Variants in MAF observed in about 807,000 individuals in gnomAD.
MAF encodes the protein transcription factor Maf.
In MAF, 10 loss-of-function variants were observed where a neutral mutation model predicts 22.0. The observed-to-expected ratio is 0.45, with a 90% CI of 0.28 to 0.77. The LOEUF (loss-of-function observed/expected upper bound fraction) is 0.77, where lower values mean the gene tolerates loss of function less well. Among genes scored for constraint, MAF ranks in the 30% least tolerant of loss-of-function variants. MAF has a pLI of 0.12. For synonymous variants in MAF, 337 were observed against 255.8 expected (o/e 1.32, Z -3.03); for missense variants, 544 against 548.4 (o/e 0.99, Z 0.08).
chr16:79,373,205 T>A, the MAF span, among the ~76,000 whole-genome samples: 1 of 152,028 alleles, frequency 6.6e-6, no homozygotes, highest in Non-Finnish European at 1.5e-5. Context: ...TGAATGTTTG[T>A]CCTCTCCAAA....
At chr16:79,570,172 G>C in the MAF span, among the ~76,000 whole-genome samples, 3 of 152,078 alleles carry the variant, frequency 2.0e-5, no homozygotes, top group Non-Finnish European at 4.4e-5. Flanking sequence ...TATCTGCAAG[G>C]TAAAGGAATT....
chr16:79,599,500 C>G lies in MAF; in HGVS notation c.403G>C (p.Ala135Pro). The change falls in exon 1 of 2, where the codon GCG becomes CCG. Residue 135 changes from alanine to proline, a missense_variant. This residue lies in a region of MAF where 342 missense variants were observed against 315.5 expected (regional missense o/e 1.08). Coordinates refer to ENST00000326043, the MANE Select transcript of MAF (RefSeq NM_005360.5). ...CCGGCCGCCGCGGCCAGCTGCTGCG[C>G]CCCGCGCGCGTAGCCATCGAAGCCG... ...QGGFDGYARG[A>P]QQLAAAAGAG... The G allele has an allele frequency of 1.3e-6, 2 of 1,506,822 alleles. No individual in the cohort carries two copies. The highest frequency in any genetic ancestry group is 1.3e-5 in the South Asian group (1 of 78,310). The allele number at this position is 1,506,822 out of a possible 1,614,324, so 93.3% of individuals were successfully genotyped here. A position where few individuals can be genotyped will look rare whatever the true frequency, so the allele number is the denominator to read the frequency against.
the MAF span, among the ~76,000 whole-genome samples, chr16:79,521,778 T>G: frequency 6.6e-6 from 1 of 152,218 alleles, no homozygotes; most frequent in Non-Finnish European, 1.5e-5. Context: ...AAACAGTTAC[T>G]GAATAAATTA....
At chr16:79,224,884 C>T in the MAF span, among the ~76,000 whole-genome samples, 37 of 152,278 alleles carry the variant, frequency 2.4e-4, no homozygotes, top group African/African-American at 7.9e-4. Context: ...AATGGATAAA[C>T]ATTGCATGCT....
chr16:79,236,181 C>T, the MAF span, among the ~76,000 whole-genome samples: 1 of 152,064 alleles, frequency 6.6e-6, no homozygotes, highest in Non-Finnish European at 1.5e-5. Flanking sequence ...GGTGTCTCTC[C>T]TCGCCATAGC....
At chr16:79,574,075 C>G in the MAF span, among the ~76,000 whole-genome samples, 2 of 152,136 alleles carry the variant, frequency 1.3e-5, no homozygotes, top group Non-Finnish European at 2.9e-5. Flanking sequence ...ATAAATGAGG[C>G]GTGAACTTCA....
the MAF span, among the ~76,000 whole-genome samples, chr16:79,493,218 T>C: frequency 6.6e-6 from 1 of 152,118 alleles, no homozygotes; most frequent in Non-Finnish European, 1.5e-5. Context: ...AGTCTCACTC[T>C]GTTGTCCAGG....
At chr16:79,423,070 G>C in the MAF span, among the ~76,000 whole-genome samples, 1 of 152,178 alleles carries the variant, frequency 6.6e-6, no homozygotes, top group African/African-American at 2.4e-5. Context: ...CCAAGAGGGA[G>C]GGGATTCTAA....
At chr16:79,458,011 G>C in the MAF span, among the ~76,000 whole-genome samples, 4 of 151,508 alleles carry the variant, frequency 2.6e-5, no homozygotes, top group Non-Finnish European at 5.9e-5. Flanking sequence ...GCTCATTAGA[G>C]ATATTTTTTT....
At chr16:79,474,733 G>A in the MAF span, among the ~76,000 whole-genome samples, 1 of 152,074 alleles carries the variant, frequency 6.6e-6, no homozygotes, top group Admixed American at 6.6e-5. Context: ...GGAAATCCTT[G>A]AGCATGAGCA....
At chr16:79,392,010 G>A in the MAF span, among the ~76,000 whole-genome samples, 16 of 149,898 alleles carry the variant, frequency 1.1e-4, no homozygotes, top group East Asian at 1.8e-3. Flanking sequence ...GAGAGACAGA[G>A]TAAGGAAAGA....
the MAF span, among the ~76,000 whole-genome samples, chr16:79,330,050 G>A: frequency 1.7e-4 from 26 of 152,050 alleles, no homozygotes; most frequent in African/African-American, 6.3e-4. Flanking sequence ...AAATTTCAAC[G>A]CACCATTTTT....
the MAF span, among the ~76,000 whole-genome samples, chr16:79,261,362 A>C: frequency 6.6e-6 from 1 of 152,016 alleles, no homozygotes; most frequent in Non-Finnish European, 1.5e-5. Flanking sequence ...CATGTTGGCC[A>C]GGCTGGTCTT....
chr16:79,258,583 C>G, the MAF span, among the ~76,000 whole-genome samples: 2 of 152,222 alleles, frequency 1.3e-5, no homozygotes, highest in Non-Finnish European at 2.9e-5. Context: ...TTTGTGGGCA[C>G]TCAAGCCATT....
the MAF span, among the ~76,000 whole-genome samples, chr16:79,391,032 G>C: frequency 6.6e-6 from 1 of 152,154 alleles, no homozygotes; most frequent in Non-Finnish European, 1.5e-5. Flanking sequence ...CACTGCCAGG[G>C]TCCACTGCTG....
the MAF span, among the ~76,000 whole-genome samples, chr16:79,275,303 G>A: frequency 6.6e-5 from 10 of 152,268 alleles, no homozygotes; most frequent in East Asian, 1.5e-3. Context: ...GTGAGATTTT[G>A]CCATTGCACT....
At chr16:79,284,791 G>C in the MAF span, among the ~76,000 whole-genome samples, 1 of 152,054 alleles carries the variant, frequency 6.6e-6, no homozygotes, top group Non-Finnish European at 1.5e-5. Flanking sequence ...GGCTCAACCT[G>C]AGAACAAACT....
the MAF span, among the ~76,000 whole-genome samples, chr16:79,261,005 T>A: frequency 6.6e-6 from 1 of 151,970 alleles, no homozygotes; most frequent in Non-Finnish European, 1.5e-5. Context: ...GGCTGTTCCA[T>A]TGGTCCAAGG....
chr16:79,562,702 G>C, the MAF span, among the ~76,000 whole-genome samples: 1 of 152,046 alleles, frequency 6.6e-6, no homozygotes, highest in Non-Finnish European at 1.5e-5. Context: ...CCATGCTTTG[G>C]AGAAGGCCAC....
Sources: allele counts gnomAD v4.1 joint callset (sites outside exome capture counted in the v4.1 genomes callset), GRCh38; gene constraint gnomAD v4.1.1; regional missense constraint gnomAD v4.1.1; transcripts MANE v1.5; gene names NCBI Gene and HGNC (gene_info 2026-07-23, HGNC 2026-07-21).